The following MYO5B variants were observed in gnomAD, a reference collection of about 807,000 sequenced individuals.
The protein encoded by MYO5B is unconventional myosin-Vb.
MYO5B carries 143 observed loss-of-function variants against 229.3 expected under a neutral mutation model. That is an observed-to-expected ratio of 0.62 (90% CI 0.54 to 0.72). The LOEUF (loss-of-function observed/expected upper bound fraction) is 0.72. MYO5B is among the 30% of genes least tolerant of loss of function. The probability of loss-of-function intolerance (pLI) is 0.00; values close to 1 mark genes in which losing one functional copy is unlikely to be tolerated. For missense variants in MYO5B, 2,321 were observed against 2,331.0 expected, an observed-to-expected ratio of 1.00 and a Z score of 0.09; for synonymous variants, 918 against 885.2, an observed-to-expected ratio of 1.04 and a Z score of -0.66.
intron 1 of MYO5B, among the ~76,000 whole-genome samples, chr18:50,157,364 G>T (rs1283014595): frequency 6.6e-6 from 1 of 152,106 alleles, no homozygotes; most frequent in African/African-American, 2.4e-5. Flanking sequence ...CCTCGGCCTG[G>T]ATATCCTTTG....
chr18:49,965,483 A>ACC (rs2025614384), intron 10 of MYO5B, among the ~76,000 whole-genome samples: 1 of 148,842 alleles, frequency 6.7e-6, no homozygotes, highest in African/African-American at 2.5e-5. Flanking sequence ...ACACACACAC[A>ACC]CCTCTTCTCA....
At chr18:49,963,118 C>G in intron 10 of MYO5B, 88 bp from the exon 11 acceptor site, 1 of 996,002 alleles carries the variant, frequency 1.0e-6, no homozygotes. Flanking sequence ...ACCCAGGTCT[C>G]CCCCGATGCC....
chr18:50,069,652 C>G (rs2030905343), intron 1 of MYO5B, among the ~76,000 whole-genome samples: 1 of 152,080 alleles, frequency 6.6e-6, no homozygotes, highest in East Asian at 1.9e-4. Context: ...AATAGTAATT[C>G]CTAGAATTCC....
At chr18:50,185,876 C>T (rs7242498) in intron 1 of MYO5B, among the ~76,000 whole-genome samples, 60,596 of 151,992 alleles carry the variant, frequency 0.4, 12,938 homozygotes, top group East Asian at 0.55. Flanking sequence ...GAAAAGATAG[C>T]CATAGATTAA....
chr18:49,923,799 T>C (rs2025100866), intron 17 of MYO5B, among the ~76,000 whole-genome samples: 1 of 152,212 alleles, frequency 6.6e-6, no homozygotes, highest in Admixed American at 6.5e-5. Context: ...CGGTGGCCCC[T>C]TATATACTGA....
At chr18:50,021,038 G>A (rs554345097) in intron 4 of MYO5B, among the ~76,000 whole-genome samples, 54 of 152,280 alleles carry the variant, frequency 3.5e-4, no homozygotes, top group Non-Finnish European at 5.6e-4. Flanking sequence ...GGTACACTAA[G>A]AACATGGTGT....
At chr18:50,091,126 C>T (rs2031439188) in intron 1 of MYO5B, among the ~76,000 whole-genome samples, 1 of 152,210 alleles carries the variant, frequency 6.6e-6, no homozygotes, top group African/African-American at 2.4e-5. Flanking sequence ...ACAGCCCCAC[C>T]TGTGCATATA....
intron 10 of MYO5B, among the ~76,000 whole-genome samples, chr18:49,964,748 T>C (rs1221629691): frequency 4.6e-5 from 7 of 152,236 alleles, no homozygotes; most frequent in Admixed American, 3.3e-4. Flanking sequence ...ATTTTAACTT[T>C]AAAAATGGAC....
chr18:49,904,582 G>T, intron 20 of MYO5B, 90 bp downstream of exon 20: 1 of 1,541,898 alleles, frequency 6.5e-7, no homozygotes, highest in South Asian at 1.1e-5. Context: ...AGTTGGGAGT[G>T]CTTGACAGAG....
chr18:49,960,985 G>A (rs755832850), intron 12 of MYO5B, among the ~76,000 whole-genome samples: 14 of 152,214 alleles, frequency 9.2e-5, no homozygotes, highest in Non-Finnish European at 1.8e-4. Flanking sequence ...AAGACATGGC[G>A]CTGCCTTTAG....
chr18:49,960,848 G>A (rs1384094363), intron 12 of MYO5B, among the ~76,000 whole-genome samples: 1 of 152,196 alleles, frequency 6.6e-6, no homozygotes, highest in Non-Finnish European at 1.5e-5. Flanking sequence ...TACTCCATGT[G>A]CCCTGAGAAC....
chr18:49,932,679 A>G (rs556043876), intron 16 of MYO5B, among the ~76,000 whole-genome samples: 1 of 152,302 alleles, frequency 6.6e-6, no homozygotes, highest in East Asian at 1.9e-4. Context: ...ACAAACAAAC[A>G]AACAAACAAA....
Position 49,864,154 on chromosome 18 carries a change from G to T in MYO5B, c.3830C>A (p.Ala1277Asp), listed in dbSNP as rs2024366168. The T allele has an allele frequency of 1.2e-6, 2 of 1,609,534 alleles. No homozygotes were observed. The change falls in exon 28 of 40, where the codon GCC becomes GAC. Residue 1277 changes from alanine (A) to aspartate (D), a missense_variant. Physicochemically the swap from Ala to Asp is moderately radical, Grantham distance 126. Around this residue, in one of 2 missense-constraint regions of MYO5B, gnomAD observed 2,113 missense variants for 2,044.7 expected, o/e 1.03. Coordinates refer to ENST00000285039, the MANE Select transcript of MYO5B (RefSeq NM_001080467.3). ...QIVSADQRRL[A>D]GRNAEPNINA... ...CCATCTTGTTACCGCGTTCCTGCCG[G>T]CGAGTCGCCGCTGGTCGGCGCTCAC...
At chr18:49,920,493 T>C (rs2025062342) in intron 17 of MYO5B, among the ~76,000 whole-genome samples, 1 of 152,142 alleles carries the variant, frequency 6.6e-6, no homozygotes, top group Non-Finnish European at 1.5e-5. Flanking sequence ...CCCCCAACTA[T>C]GTCCTGGGCC....
In MYO5B at chr18:50,033,918, G is replaced by T. The variant is rs887310834; in HGVS notation, c.455+2932C>A. ...AGTTCTCTCCTGGAACTCTTGGGGGGTGGGTATGGGGGGGAATAAAGATCT... is the reference window on the plus strand; with the variant it reads ...AGTTCTCTCCTGGAACTCTTGGGGGTTGGGTATGGGGGGGAATAAAGATCT... On this transcript the variant is annotated intron_variant, in intron 4 of 39. Coordinates refer to ENST00000285039, the MANE Select transcript of MYO5B (RefSeq NM_001080467.3). Among the ~76,000 whole-genome samples the T allele has an allele frequency of 6.0e-5, 9 of 151,006 alleles. No homozygotes were observed. The East Asian group carries it at 1.6e-3, about 26-fold the overall frequency.
intron 22 of MYO5B, among the ~76,000 whole-genome samples, chr18:49,884,282 G>C (rs1270392859): frequency 6.6e-6 from 1 of 152,188 alleles, no homozygotes; most frequent in African/African-American, 2.4e-5. Flanking sequence ...TTTGATGGAA[G>C]ACAATTTTTC....
intron 16 of MYO5B, among the ~76,000 whole-genome samples, chr18:49,934,001 G>C (rs1362400235): frequency 2.0e-5 from 3 of 152,078 alleles, no homozygotes; most frequent in African/African-American, 4.8e-5. Flanking sequence ...TCAGCCTCTG[G>C]AGTAGCTGGG....
At chr18:50,194,534 C>T (rs8097607) in intron 1 of MYO5B, among the ~76,000 whole-genome samples, 1 of 152,150 alleles carries the variant, frequency 6.6e-6, no homozygotes, top group East Asian at 1.9e-4. Flanking sequence ...CGTGGCGCTG[C>T]GGAACCTCTA....
chr18:49,925,530 T>C (rs1464767331), intron 17 of MYO5B, among the ~76,000 whole-genome samples: 1 of 152,238 alleles, frequency 6.6e-6, no homozygotes, highest in Admixed American at 6.5e-5. Context: ...TTCTATAGTT[T>C]GACTCTTTTC....
Sources: gnomAD v4.1 joint callset for allele counts (sites outside exome capture counted in the v4.1 genomes callset) on GRCh38, gnomAD v4.1.1 for gene constraint, gnomAD v4.1.1 regional missense constraint, MANE v1.5 for transcripts, NCBI Gene and HGNC (gene_info 2026-07-23, HGNC 2026-07-21) for gene names.